Variants in TVP23C observed in about 807,000 individuals in gnomAD.
TVP23C encodes trans-golgi network vesicle protein 23 homolog C.
TVP23C carries 19 observed loss-of-function variants against 28.7 expected under a neutral mutation model. That is an observed-to-expected ratio of 0.66 (90% confidence interval 0.46 to 0.97). The LOEUF is 0.97. TVP23C is among the 50% of genes least tolerant of loss of function. The pLI is 0.00. For missense variants in TVP23C, 186 were observed against 241.3 expected, an observed-to-expected ratio of 0.77 and a Z score of 1.52; for synonymous variants, 68 against 81.7, an observed-to-expected ratio of 0.83 and a Z score of 0.90.
downstream of TVP23C, among the ~76,000 whole-genome samples, chr17:15,533,319 T>A (rs1190682150): frequency 6.6e-6 from 1 of 152,230 alleles, no homozygotes; most frequent in Admixed American, 6.5e-5. Context: ...TGCTTGCATA[T>A]GTACATATAA....
chr17:15,505,952 G>A (rs909417920), intron 5 of TVP23C, among the ~76,000 whole-genome samples: 33 of 152,224 alleles, frequency 2.2e-4, no homozygotes, highest in Non-Finnish European at 4.4e-4. Flanking sequence ...CCTGCAGCCC[G>A]CCATGCCTGA....
Position 15,550,276 on chromosome 17 carries a change from C to A in TVP23C, c.241-3128G>T, listed in dbSNP as rs545387246. ...TTTACAGTTTTTGCTTCCTTTTAAACCCAAGATATGTAGTAGTTCGCTTTT... is the reference window on the plus strand; with the variant it reads ...TTTACAGTTTTTGCTTCCTTTTAAAACCAAGATATGTAGTAGTTCGCTTTT... On this transcript the variant is annotated intron_variant, in intron 3 of 5. Transcript: ENST00000518321. Among the ~76,000 whole-genome samples, 5 of 152,272 alleles carry A rather than the reference C, an allele frequency of 3.3e-5. No homozygotes were observed. The East Asian group carries it at 9.6e-4, about 29-fold the overall frequency.
At chr17:15,507,701 T>C (rs556658407) in intron 5 of TVP23C, among the ~76,000 whole-genome samples, 1 of 152,076 alleles carries the variant, frequency 6.6e-6, no homozygotes, top group Non-Finnish European at 1.5e-5. Context: ...TAGCCGGGTC[T>C]GGTGGCGGGT....
exon 6 of TVP23C, chr17:15,502,910 G>C (rs1357746251): frequency 6.2e-7 from 1 of 1,607,980 alleles, no homozygotes; most frequent in Admixed American, 1.7e-5. Context: ...GGGCTCACCA[G>C]TTCCTCTGCT....
At chr17:15,525,157 A>T (rs1397594607) in intron 5 of TVP23C, among the ~76,000 whole-genome samples, 1 of 152,232 alleles carries the variant, frequency 6.6e-6, no homozygotes, top group Non-Finnish European at 1.5e-5. Context: ...CAGCATGTAT[A>T]CAATGGCTTT....
intron 5 of TVP23C, among the ~76,000 whole-genome samples, chr17:15,514,067 G>A (rs375195038): frequency 6.6e-6 from 1 of 152,192 alleles, no homozygotes; most frequent in Non-Finnish European, 1.5e-5. Flanking sequence ...TCTTATCACC[G>A]TTCATGGGGT....
intron 5 of TVP23C, among the ~76,000 whole-genome samples, chr17:15,519,820 T>G (rs1178799339): frequency 6.6e-6 from 1 of 152,146 alleles, no homozygotes; most frequent in African/African-American, 2.4e-5. Context: ...GAGAATGGCA[T>G]GAACCCGGGA....
intron 5 of TVP23C, among the ~76,000 whole-genome samples, chr17:15,529,140 T>C (rs979507453): frequency 6.6e-6 from 1 of 152,176 alleles, no homozygotes; most frequent in Non-Finnish European, 1.5e-5. Context: ...TCTCATTTAG[T>C]TATTAATAAT....
At position 15,540,161 on chromosome 17, in the gene TVP23C, T is replaced by C. The variant is rs1983350401; in HGVS notation, c.*251A>G. ...ATTCACTTAAAGCTCCCATAATTGA[T>C]GAAAAACAACTGAACTTAAAAGTAA... On this transcript the variant is annotated 3_prime_UTR_variant, in exon 6 of 6. Coordinates refer to ENST00000518321, the MANE Select transcript of TVP23C (RefSeq NM_001135036.2). 2 of 1,266,232 alleles carry C rather than the reference T, an allele frequency of 1.6e-6. No homozygotes were observed. The highest frequency in any genetic ancestry group is 2.0e-6 in the Non-Finnish European group (2 of 1,006,982). 78.4% of individuals were successfully genotyped at this position (1,266,232 alleles called of 1,614,324 possible).
Position 15,539,873 on chromosome 17 carries a change from C to T in TVP23C, c.*539G>A, listed in dbSNP as rs1332107858. ...CTTTGGGAGGCTGAGGTGGGCAGAT[C>T]ACAAGGTCATGAGATGGAGACCATC... On this transcript the variant is annotated 3_prime_UTR_variant, in exon 6 of 6. Coordinates refer to ENST00000518321, the MANE Select transcript of TVP23C (RefSeq NM_001135036.2). The T allele has an allele frequency of 1.2e-6, 1 of 833,546 alleles. No individual in the cohort carries two copies. The highest frequency in any genetic ancestry group is 1.4e-6 in the Non-Finnish European group (1 of 691,866). 51.6% of individuals were successfully genotyped at this position (833,546 alleles called of 1,614,324 possible).
chr17:15,540,040 C>A lies in TVP23C; in HGVS notation c.*372G>T. 1 of 1,018,690 alleles carries A rather than the reference C, an allele frequency of 9.8e-7. No homozygotes were observed. Among genetic ancestry groups the A allele is most frequent in the Non-Finnish European group, 1.2e-6 (1 of 838,618 alleles). 63.1% of individuals were successfully genotyped at this position (1,018,690 alleles called of 1,614,324 possible). A position where few individuals can be genotyped will look rare whatever the true frequency, so the allele number is the denominator to read the frequency against. Reference sequence around the variant, plus strand: ...CCCGGGGGGCAGAGGTTGCAGTGAGCCGAGATTGCACCACTGCACTCCAGC... The same window carrying A: ...CCCGGGGGGCAGAGGTTGCAGTGAGACGAGATTGCACCACTGCACTCCAGC... On this transcript the variant is annotated 3_prime_UTR_variant, in exon 6 of 6. Coordinates refer to ENST00000518321, the MANE Select transcript of TVP23C (RefSeq NM_001135036.2).
chr17:15,561,957 G>A (rs555992602), intron 1 of TVP23C, among the ~76,000 whole-genome samples: 3 of 152,112 alleles, frequency 2.0e-5, no homozygotes, highest in South Asian at 2.1e-4. Flanking sequence ...ACCACTGGTC[G>A]TCCTCACTAC....
At chr17:15,518,335 C>T (rs1052014361) in intron 5 of TVP23C, among the ~76,000 whole-genome samples, 3 of 152,158 alleles carry the variant, frequency 2.0e-5, no homozygotes, top group Non-Finnish European at 4.4e-5. Context: ...TGCAATGCTA[C>T]GTACTGTATC....
intron 5 of TVP23C, among the ~76,000 whole-genome samples, chr17:15,505,383 T>C (rs970313503): frequency 5.9e-5 from 9 of 152,216 alleles, no homozygotes; most frequent in African/African-American, 2.2e-4. Context: ...CAGTGACGCC[T>C]ACTGGTTTAG....
chr17:15,525,879 CT>C (rs1218894924), intron 5 of TVP23C, among the ~76,000 whole-genome samples: 1 of 152,168 alleles, frequency 6.6e-6, no homozygotes, highest in African/African-American at 2.4e-5. Context: ...GGGTCAACTC[CT>C]ACATTCTCTA....
In TVP23C at chr17:15,549,675, G is replaced by A. The variant is rs1387328781; in HGVS notation, c.241-2527C>T. On this transcript the variant is annotated intron_variant, in intron 3 of 5. Transcript: ENST00000518321. The stretch of plus-strand genomic sequence containing the variant: ...AGCTTGCGTGACAAAGCAAGATTTT[G>A]TCTCAAAAAAAAAAAAAAGATTTGA... Among the ~76,000 whole-genome samples, 5 of 150,026 alleles carry A rather than the reference G, an allele frequency of 3.3e-5. No homozygotes were observed. In the East Asian group the frequency reaches 9.8e-4, roughly 30 times the overall value.
chr17:15,559,006 T>G (rs1984258881), intron 1 of TVP23C, among the ~76,000 whole-genome samples: 1 of 145,776 alleles, frequency 6.9e-6, no homozygotes, highest in Non-Finnish European at 1.5e-5. Context: ...TTTAATTTCT[T>G]GCAGAAATAG....
chr17:15,522,139 C>T (rs1292146956), intron 5 of TVP23C, among the ~76,000 whole-genome samples: 2 of 152,148 alleles, frequency 1.3e-5, no homozygotes, highest in African/African-American at 4.8e-5. Flanking sequence ...CAAATTACTA[C>T]AGATTCTACC....
intron 5 of TVP23C, among the ~76,000 whole-genome samples, chr17:15,523,157 A>G (rs1982555826): frequency 6.9e-6 from 1 of 144,948 alleles, no homozygotes; most frequent in Non-Finnish European, 1.5e-5. Context: ...CTACAGGTGC[A>G]TGCCGCCCGG....
Sources: allele counts gnomAD v4.1 joint callset (sites outside exome capture counted in the v4.1 genomes callset), GRCh38; gene constraint gnomAD v4.1.1; transcripts MANE v1.5; gene names NCBI Gene and HGNC (gene_info 2026-07-23, HGNC 2026-07-21).